Variants in PABPC4L observed in about 807,000 individuals in gnomAD.
The protein encoded by PABPC4L is poly(A) binding protein cytoplasmic 4 like.
For synonymous variants in PABPC4L, 169 were observed against 164.1 expected, an observed-to-expected ratio of 1.03 and a Z score of -0.23; for missense variants, 452 against 451.4, an observed-to-expected ratio of 1.00 and a Z score of -0.01.
the PABPC4L span, among the ~76,000 whole-genome samples, chr4:134,058,483 A>G: frequency 6.6e-6 from 1 of 152,138 alleles, no homozygotes; most frequent in Admixed American, 6.6e-5. Flanking sequence ...AGAAAGAGGA[A>G]TCAGACACAC....
At chr4:134,113,206 CGTTAAA>C in the PABPC4L span, among the ~76,000 whole-genome samples, 1 of 151,694 alleles carries the variant, frequency 6.6e-6, no homozygotes, top group Non-Finnish European at 1.5e-5. Flanking sequence ...AGTCAGCTAA[CGTTAAA>C]GTTAAATGTA....
Position 134,201,119 on chromosome 4 carries a change from G to A in PABPC4L, c.-100C>T. ...AGCTTTGGCCCGGTTCAAGTGTGGA[G>A]GCCTCGGGATCACCACACAAAGGCC... is the stretch of plus-strand genomic sequence containing the variant. On this transcript the variant is annotated 5_prime_UTR_variant, in exon 2 of 2. Coordinates refer to ENST00000421491, the MANE Select transcript of PABPC4L (RefSeq NM_001114734.2). 5.2e-6 allele frequency: 8 copies of A among 1,550,504 alleles called. No individual in the cohort carries two copies. The highest frequency in any genetic ancestry group is 7.0e-6 in the Non-Finnish European group (8 of 1,146,836).
chr4:134,189,455 T>C, the PABPC4L span, among the ~76,000 whole-genome samples: 29 of 152,236 alleles, frequency 1.9e-4, no homozygotes, highest in Non-Finnish European at 3.5e-4. Context: ...TATACATACA[T>C]ATATACATGG....
the PABPC4L span, among the ~76,000 whole-genome samples, chr4:134,112,984 T>A: frequency 4.0e-5 from 6 of 149,242 alleles, no homozygotes; most frequent in Admixed American, 2.7e-4. Flanking sequence ...AGGTCTAGGC[T>A]AATGTGTGTG....
the PABPC4L span, among the ~76,000 whole-genome samples, chr4:134,078,170 C>T: frequency 2.6e-5 from 4 of 152,158 alleles, no homozygotes; most frequent in Non-Finnish European, 4.4e-5. Flanking sequence ...ACATAAGTAT[C>T]TCTATACTAT....
At chr4:134,096,510 C>A in the PABPC4L span, among the ~76,000 whole-genome samples, 1 of 151,796 alleles carries the variant, frequency 6.6e-6, no homozygotes, top group Non-Finnish European at 1.5e-5. Flanking sequence ...ATATTGTATA[C>A]CTCATGTAAT....
the PABPC4L span, among the ~76,000 whole-genome samples, chr4:134,032,911 A>G: frequency 6.6e-6 from 1 of 151,842 alleles, no homozygotes; most frequent in Non-Finnish European, 1.5e-5. Flanking sequence ...TGAATAAACA[A>G]ATGAACAAAT....
the PABPC4L span, among the ~76,000 whole-genome samples, chr4:134,109,864 C>T: frequency 6.6e-6 from 1 of 151,822 alleles, no homozygotes; most frequent in African/African-American, 2.4e-5. Flanking sequence ...GTCTCAGCCT[C>T]CCAAGTAGCT....
the PABPC4L span, among the ~76,000 whole-genome samples, chr4:134,066,028 G>A: frequency 6.6e-6 from 1 of 152,080 alleles, no homozygotes; most frequent in Non-Finnish European, 1.5e-5. Flanking sequence ...ATAATTTGAA[G>A]TTGGGTAGTG....
the PABPC4L span, among the ~76,000 whole-genome samples, chr4:134,081,999 T>C: frequency 3.9e-5 from 6 of 152,252 alleles, no homozygotes; most frequent in Admixed American, 1.3e-4. Flanking sequence ...AAATGTGTGA[T>C]GGATGTTGAT....
At chr4:134,148,241 C>T in the PABPC4L span, among the ~76,000 whole-genome samples, 1 of 152,100 alleles carries the variant, frequency 6.6e-6, no homozygotes, top group Non-Finnish European at 1.5e-5. Context: ...CTTTACCTTA[C>T]ATTGCTCAGA....
the PABPC4L span, among the ~76,000 whole-genome samples, chr4:133,977,620 C>A: frequency 1.8e-3 from 273 of 152,098 alleles, 2 homozygotes; most frequent in African/African-American, 6.0e-3. Flanking sequence ...TAAAGAGGTC[C>A]TTCACTTCCC....
chr4:133,971,103 A>G, the PABPC4L span, among the ~76,000 whole-genome samples: 1 of 118,270 alleles, frequency 8.5e-6, no homozygotes. Flanking sequence ...TAAATCTTAT[A>G]TTCTTTTTTT....
chr4:134,118,445 AATG>A, the PABPC4L span, among the ~76,000 whole-genome samples: 2 of 151,980 alleles, frequency 1.3e-5, no homozygotes, highest in African/African-American at 4.8e-5. Context: ...TAATTTTATA[AATG>A]ATATTTTATG....
chr4:134,035,071 T>A, the PABPC4L span, among the ~76,000 whole-genome samples: 1 of 152,118 alleles, frequency 6.6e-6, no homozygotes, highest in East Asian at 1.9e-4. Flanking sequence ...ACCACTCTCA[T>A]CAGTCAGCAG....
chr4:134,111,764 A>G, the PABPC4L span, among the ~76,000 whole-genome samples: 1 of 151,866 alleles, frequency 6.6e-6, no homozygotes. Context: ...CATGTGAGTC[A>G]TGCTTTTCAC....
chr4:134,036,672 C>A, the PABPC4L span, among the ~76,000 whole-genome samples: 6 of 152,026 alleles, frequency 3.9e-5, no homozygotes, highest in African/African-American at 1.4e-4. Flanking sequence ...TTCTCTATGG[C>A]AACTCTATTC....
the PABPC4L span, among the ~76,000 whole-genome samples, chr4:134,016,695 C>T: frequency 6.6e-6 from 1 of 152,148 alleles, no homozygotes; most frequent in African/African-American, 2.4e-5. Flanking sequence ...ATTCTGTCGT[C>T]ATTTCATAAC....
At chr4:134,017,750 C>G in the PABPC4L span, among the ~76,000 whole-genome samples, 2 of 151,988 alleles carry the variant, frequency 1.3e-5, no homozygotes, top group African/African-American at 4.8e-5. Flanking sequence ...TTCTATATGA[C>G]AAATGTTTCT....
Sources: allele counts gnomAD v4.1 joint callset (sites outside exome capture counted in the v4.1 genomes callset), GRCh38; gene constraint gnomAD v4.1.1; transcripts MANE v1.5; gene names NCBI Gene and HGNC (gene_info 2026-07-23, HGNC 2026-07-21).